The following RANBP3L variants were observed in gnomAD, a reference collection of about 807,000 sequenced individuals.
The protein encoded by RANBP3L is RAN binding protein 3 like.
RANBP3L carries 56 observed loss-of-function variants against 67.2 expected under a neutral mutation model. The observed-to-expected ratio is 0.83, with a 90% confidence interval of 0.67 to 1.04. The LOEUF is 1.04. Ranked by LOEUF, RANBP3L falls within the 50% of genes least tolerant of loss-of-function variation. RANBP3L has a pLI of 0.00. For missense variants in RANBP3L, 496 were observed against 535.5 expected (o/e 0.93, Z 0.73); for synonymous variants, 164 against 181.4 (o/e 0.90, Z 0.77).
chr5:36,252,693 G>A (rs1300037728), intron 12 of RANBP3L, among the ~76,000 whole-genome samples: 4 of 152,038 alleles, frequency 2.6e-5, no homozygotes, highest in East Asian at 3.8e-4. Context: ...AACAGGCTCA[G>A]TCTCTGGCAT....
chr5:36,278,375 T>A (rs896952190), intron 1 of RANBP3L, among the ~76,000 whole-genome samples: 1 of 152,066 alleles, frequency 6.6e-6, no homozygotes, highest in Non-Finnish European at 1.5e-5. Context: ...AGGGAGCTCA[T>A]GAGAAATGCA....
At chr5:36,252,495 T>A (rs1378106331) in intron 12 of RANBP3L, among the ~76,000 whole-genome samples, 1 of 152,122 alleles carries the variant, frequency 6.6e-6, no homozygotes, top group Non-Finnish European at 1.5e-5. Context: ...ATTGTTACCA[T>A]CATTTTGCAG....
intron 1 of RANBP3L, among the ~76,000 whole-genome samples, chr5:36,299,079 A>C (rs1752433205): frequency 6.6e-6 from 1 of 152,122 alleles, no homozygotes; most frequent in Non-Finnish European, 1.5e-5. Flanking sequence ...AATACAAAGC[A>C]GGCAAAAAAA....
chr5:36,277,809 G>A (rs944408941), intron 1 of RANBP3L, among the ~76,000 whole-genome samples: 4 of 152,090 alleles, frequency 2.6e-5, no homozygotes, highest in African/African-American at 9.7e-5. Context: ...ACCCAAGACT[G>A]GAAAATTTGT....
chr5:36,265,025 T>C lies in RANBP3L; in HGVS notation c.414A>G (p.Lys138=), dbSNP rs202109062. 9.6e-5 allele frequency: 155 copies of C among 1,613,842 alleles called. No homozygotes were observed. Among genetic ancestry groups the C allele is most frequent in the East Asian group, 8.0e-4 (36 of 44,886 alleles). ...CCTTGTGTCCAAATGTTTTTCTTAC[T>C]TTTGCACAACTTCGAGCTTGAGGTA... The part of the protein sequence containing the change: ...LQLPQARSCA[K]VRKTFGHKAL... Residue 138 remains lysine, a synonymous_variant, in exon 6 of 14, where the codon AAA becomes AAG. Transcript: ENST00000296604.
At chr5:36,280,743 C>T (rs1209022875) in intron 1 of RANBP3L, among the ~76,000 whole-genome samples, 1 of 152,048 alleles carries the variant, frequency 6.6e-6, no homozygotes, top group East Asian at 1.9e-4. Flanking sequence ...TTTAATAGAT[C>T]TTTTTCAATG....
intron 1 of RANBP3L, among the ~76,000 whole-genome samples, chr5:36,292,971 A>C (rs1751913378): frequency 2.9e-5 from 4 of 138,722 alleles, no homozygotes; most frequent in Admixed American, 1.5e-4. Context: ...GATGGCATTG[A>C]ATCTGTAAAT....
intron 8 of RANBP3L, among the ~76,000 whole-genome samples, chr5:36,259,943 G>C (rs1055809387): frequency 6.6e-6 from 1 of 152,088 alleles, no homozygotes; most frequent in African/African-American, 2.4e-5. Context: ...TAACGTGAGG[G>C]GTTTTCACTA....
chr5:36,271,436 C>T, intron 1 of RANBP3L, 125 bp from the exon 2 acceptor site: 1 of 643,536 alleles, frequency 1.6e-6, no homozygotes, highest in South Asian at 1.9e-5. Flanking sequence ...AAAAGCCAAG[C>T]TATTTTACAT....
intron 1 of RANBP3L, among the ~76,000 whole-genome samples, chr5:36,286,052 C>T (rs1751302693): frequency 6.6e-6 from 1 of 152,046 alleles, no homozygotes; most frequent in African/African-American, 2.4e-5. Flanking sequence ...TGGGGAATGT[C>T]GTTTTGTCTG....
chr5:36,259,444 G>A (rs1749215236), intron 8 of RANBP3L, among the ~76,000 whole-genome samples: 1 of 152,092 alleles, frequency 6.6e-6, no homozygotes, highest in South Asian at 2.1e-4. Flanking sequence ...TTAGCCAGGT[G>A]TGGTGGTACG....
chr5:36,270,198 A>G (rs1485309141), intron 2 of RANBP3L, among the ~76,000 whole-genome samples: 1 of 152,182 alleles, frequency 6.6e-6, no homozygotes, highest in African/African-American at 2.4e-5. Flanking sequence ...AAAGCAGTTC[A>G]CCTTCCTTTG....
intron 4 of RANBP3L, 21 bp from the exon 5 acceptor site, chr5:36,265,541 A>AT (rs1208473357): frequency 5.6e-6 from 8 of 1,424,032 alleles, no homozygotes; most frequent in East Asian, 2.3e-5. Flanking sequence ...AAATATTTAA[A>AT]TTTTTTTAAA....
At chr5:36,251,259 G>A (rs1377984368) in intron 13 of RANBP3L, 54 bp downstream of exon 13, 40 of 1,440,236 alleles carry the variant, frequency 2.8e-5, no homozygotes, top group Admixed American at 9.5e-5. Flanking sequence ...TATTAGGATC[G>A]TGCTTAAGAA....
rs1227462859 is a variant in RANBP3L, at chr5:36,301,743, G to A, written c.-327C>T. The A allele has an allele frequency of 4.8e-6, 1 of 206,296 alleles. No individual in the cohort carries two copies. Among genetic ancestry groups the A allele is most frequent in the Non-Finnish European group, 9.7e-6 (1 of 102,760 alleles). The allele number at this position is 206,296 out of a possible 1,614,324, so 12.8% of individuals were successfully genotyped here. Reference sequence around the variant, plus strand: ...TTCTACAAATTAACTATTTCTAACAGATTACACTTTTGTCATTTTTAAATT... The same window carrying A: ...TTCTACAAATTAACTATTTCTAACAAATTACACTTTTGTCATTTTTAAATT... On this transcript the variant is annotated 5_prime_UTR_variant, in exon 1 of 14. Coordinates refer to ENST00000296604, the MANE Select transcript of RANBP3L (RefSeq NM_145000.5).
In RANBP3L at chr5:36,255,654, A is replaced by G. The variant is rs1748920736; in HGVS notation, c.904-64T>C. ...ATTTTTTCAAAGTAAATTATTTCCT[A>G]TGTTATGACACGTTTATATGTGTCT... On this transcript the variant is annotated intron_variant, in intron 10 of 13. Coordinates refer to ENST00000296604, the MANE Select transcript of RANBP3L (RefSeq NM_145000.5). 8.5e-6 allele frequency: 10 copies of G among 1,172,682 alleles called. No homozygotes were observed. The South Asian group carries it at 1.2e-4, about 14-fold the overall frequency. The allele number at this position is 1,172,682 out of a possible 1,614,324, so 72.6% of individuals were successfully genotyped here.
chr5:36,264,956 C>A lies in RANBP3L; in HGVS notation c.480+3G>T. 1 of 1,610,720 alleles carries A rather than the reference C, an allele frequency of 6.2e-7. No homozygotes were observed. The highest frequency in any genetic ancestry group is 1.1e-5 in the South Asian group (1 of 90,030). ...TCAGTTCCGTTATCCTGGGCTTTCT[C>A]ACCTTATTATTTGTTTTTTCTTTAG... On this transcript the variant is annotated splice_donor_region_variant and intron_variant, in intron 6 of 13. Coordinates refer to ENST00000296604, the MANE Select transcript of RANBP3L (RefSeq NM_145000.5).
intron 1 of RANBP3L, among the ~76,000 whole-genome samples, chr5:36,286,729 AC>A (rs747347782): frequency 5.3e-5 from 8 of 152,210 alleles, no homozygotes; most frequent in Non-Finnish European, 1.0e-4. Context: ...TGAATCAATA[AC>A]CACGTCAGAA....
rs1748414154 is a variant in RANBP3L at position 36,248,665 on chromosome 5, CA to C, written c.*988del. The C allele has an allele frequency of 6.6e-6, 1 of 152,040 alleles. No individual in the cohort carries two copies. The highest frequency in any genetic ancestry group is 2.4e-5 in the African/African-American group (1 of 41,388). The allele number at this position is 152,040 out of a possible 1,614,324, so 9.4% of individuals were successfully genotyped here. On this transcript the variant is annotated 3_prime_UTR_variant, in exon 14 of 14. Transcript: ENST00000296604. ...CCTAATCAGATAATTGCTTAGGGGT[CA>C]CAATCAAAGTCACTTCGAAGCCATG...
Sources: allele counts gnomAD v4.1 joint callset (sites outside exome capture counted in the v4.1 genomes callset), GRCh38; gene constraint gnomAD v4.1.1; transcripts MANE v1.5; gene names NCBI Gene and HGNC (gene_info 2026-07-23, HGNC 2026-07-21).